Variants in PLPPR5 observed in about 807,000 individuals in gnomAD.
PLPPR5 encodes phospholipid phosphatase related 5, also known as phospholipid phosphatase-related protein type 5.
PLPPR5 carries 16 observed loss-of-function variants against 33.9 expected under a neutral mutation model. The ratio of observed to expected loss-of-function variants is 0.47; its 90% CI spans 0.32 to 0.72. PLPPR5 has a LOEUF of 0.72. PLPPR5 is among the 30% of genes least tolerant of loss of function. The pLI is 0.03. For missense variants in PLPPR5, 301 were observed against 406.7 expected, an observed-to-expected ratio of 0.74 and a Z score of 2.23; for synonymous variants, 163 against 150.3, an observed-to-expected ratio of 1.08 and a Z score of -0.62.
Position 98,928,596 on chromosome 1 carries a change from A to AT in PLPPR5, c.622-6539_622-6538insA, listed in dbSNP as rs1649852674. Among the ~76,000 whole-genome samples, 4 of 85,382 alleles carry AT rather than the reference A, an allele frequency of 4.7e-5. 1 individual carries two copies. Among genetic ancestry groups the AT allele is most frequent in the South Asian group, 4.6e-4 (1 of 2,192 alleles). The allele number at this position is 85,382 out of a possible 152,430, so 56.0% of individuals were successfully genotyped here. On this transcript the variant is annotated intron_variant, in intron 3 of 5. Coordinates refer to ENST00000263177, the MANE Select transcript of PLPPR5 (RefSeq NM_001037317.2). ...ATGGTTCACTTTCTATTTCTATTGA[A>AT]CAATGCTGACCTAGACAAGAGCATC...
chr1:99,003,588 T>C (rs7538595), intron 1 of PLPPR5, among the ~76,000 whole-genome samples: 3,207 of 152,220 alleles, frequency 0.021, 44 homozygotes, highest in African/African-American at 0.035. Context: ...TATAATAAAA[T>C]TAATATTATT....
chr1:98,994,685 T>C (rs1391854553), intron 1 of PLPPR5, among the ~76,000 whole-genome samples: 1 of 152,132 alleles, frequency 6.6e-6, no homozygotes, highest in Non-Finnish European at 1.5e-5. Flanking sequence ...AAGTCCTACA[T>C]AGTCACCAGC....
intron 1 of PLPPR5, among the ~76,000 whole-genome samples, chr1:98,966,691 A>C (rs1405873286): frequency 6.6e-6 from 1 of 152,184 alleles, no homozygotes; most frequent in Admixed American, 6.5e-5. Context: ...TGAGTTGCGG[A>C]TCTGAACCTT....
At chr1:98,894,534 A>T (rs1648400049) in intron 5 of PLPPR5, among the ~76,000 whole-genome samples, 1 of 152,098 alleles carries the variant, frequency 6.6e-6, no homozygotes, top group Non-Finnish European at 1.5e-5. Context: ...TCTTAATAGG[A>T]TCTAGAACAA....
Position 98,947,306 on chromosome 1 carries a change from G to A in PLPPR5, c.621+5764C>T, listed in dbSNP as rs12098186. ...CTGCTTAGTGGTTGTTGAAGACATG[G>A]GAATTTCTGTGATGTGACTGAAGAA... On this transcript the variant is annotated intron_variant, in intron 3 of 5. Transcript: ENST00000263177. Among the ~76,000 whole-genome samples, 4 of 152,124 alleles carry A rather than the reference G, an allele frequency of 2.6e-5. No homozygotes were observed. In the South Asian group the frequency reaches 8.3e-4, roughly 32 times the overall value.
chr1:98,939,942 G>A (rs1245999794), intron 3 of PLPPR5, among the ~76,000 whole-genome samples: 1 of 151,890 alleles, frequency 6.6e-6, no homozygotes, highest in Admixed American at 6.6e-5. Context: ...ACACAAAAAG[G>A]TGAATATAAT....
At chr1:98,959,913 A>G (rs527421743) in intron 1 of PLPPR5, among the ~76,000 whole-genome samples, 3 of 152,082 alleles carry the variant, frequency 2.0e-5, no homozygotes, top group Non-Finnish European at 4.4e-5. Context: ...TGTCCATCAC[A>G]TCTTGCTGGA....
At position 98,956,754 on chromosome 1, in the gene PLPPR5, TA is replaced by T. The variant is rs755525148; in HGVS notation, c.238-14del. Reference sequence around the variant, plus strand: ...CTCCAACTATTATCTTGAAAGAAAATAAAAGATTAAGGAATATTAGAATTTA... The same window carrying T: ...CTCCAACTATTATCTTGAAAGAAAATAAAGATTAAGGAATATTAGAATTTA... On this transcript the variant is annotated splice_polypyrimidine_tract_variant and intron_variant, in intron 1 of 5. Transcript: ENST00000263177. 192 of 1,533,034 alleles carry T rather than the reference TA, an allele frequency of 1.3e-4. 1 individual carries two copies. Among genetic ancestry groups the T allele is most frequent in the Non-Finnish European group, 1.0e-4 (115 of 1,142,588 alleles). 95.0% of individuals were successfully genotyped at this position (1,533,034 alleles called of 1,614,324 possible).
chr1:98,911,291 G>C (rs1444623325), intron 5 of PLPPR5, among the ~76,000 whole-genome samples: 1 of 152,172 alleles, frequency 6.6e-6, no homozygotes, highest in Non-Finnish European at 1.5e-5. Flanking sequence ...AACCAAATCA[G>C]ATTCAAACCA....
intron 5 of PLPPR5, among the ~76,000 whole-genome samples, chr1:98,905,258 C>T (rs1250349918): frequency 6.6e-6 from 1 of 152,136 alleles, no homozygotes; most frequent in Non-Finnish European, 1.5e-5. Flanking sequence ...TCATAACATT[C>T]ATACAAGGTC....
At chr1:98,905,747 C>T (rs1248758238) in intron 5 of PLPPR5, among the ~76,000 whole-genome samples, 1 of 152,008 alleles carries the variant, frequency 6.6e-6, no homozygotes, top group Non-Finnish European at 1.5e-5. Context: ...TCATTCATAT[C>T]CTAATTTGAT....
At chr1:98,974,613 T>TA (rs1159529182) in intron 1 of PLPPR5, among the ~76,000 whole-genome samples, 1 of 152,060 alleles carries the variant, frequency 6.6e-6, no homozygotes, top group African/African-American at 2.4e-5. Context: ...TATATTTCTT[T>TA]TCCCTTGCTC....
chr1:98,919,514 T>C (rs1222490318), intron 4 of PLPPR5, among the ~76,000 whole-genome samples: 1 of 152,170 alleles, frequency 6.6e-6, no homozygotes, highest in African/African-American at 2.4e-5. Context: ...TCAGAATAAA[T>C]GTGTTGAGTT....
intron 1 of PLPPR5, among the ~76,000 whole-genome samples, chr1:98,960,405 T>C (rs977492146): frequency 7.2e-5 from 11 of 152,094 alleles, no homozygotes; most frequent in Non-Finnish European, 1.3e-4. Context: ...GGTTTCACCA[T>C]GTTGGCCAGG....
chr1:98,956,502 A>G (rs1395512563), intron 2 of PLPPR5, 107 bp downstream of exon 2: 2 of 1,123,054 alleles, frequency 1.8e-6, no homozygotes, highest in Non-Finnish European at 2.4e-6. Flanking sequence ...TTTCAAAGAA[A>G]AAAACCCCTA....
chr1:98,898,979 G>C (rs1648584331), intron 5 of PLPPR5, among the ~76,000 whole-genome samples: 1 of 152,224 alleles, frequency 6.6e-6, no homozygotes, highest in East Asian at 1.9e-4. Flanking sequence ...GTCTTTCCAA[G>C]TCCTGAGAAG....
intron 1 of PLPPR5, among the ~76,000 whole-genome samples, chr1:98,972,244 G>C (rs1397518211): frequency 6.6e-6 from 1 of 152,016 alleles, no homozygotes; most frequent in Non-Finnish European, 1.5e-5. Context: ...TGAGAATTCT[G>C]CAATCCAATA....
Position 98,940,304 on chromosome 1 carries a change from A to C in PLPPR5, c.621+12766T>G, listed in dbSNP as rs1650325398. Among the ~76,000 whole-genome samples the C allele has an allele frequency of 3.9e-5, 6 of 151,942 alleles. No individual in the cohort carries two copies. The South Asian group carries it at 1.2e-3, about 32-fold the overall frequency. On this transcript the variant is annotated intron_variant, in intron 3 of 5. Coordinates refer to ENST00000263177, the MANE Select transcript of PLPPR5 (RefSeq NM_001037317.2). ...CCTCACATGGTGGAGAGAGCTAGGA[A>C]GCAAGCTCTCTGCTGTCTCTTCTTA...
At chr1:98,951,617 C>T (rs1650786893) in intron 3 of PLPPR5, among the ~76,000 whole-genome samples, 1 of 152,168 alleles carries the variant, frequency 6.6e-6, no homozygotes, top group South Asian at 2.1e-4. Flanking sequence ...AATGCATACT[C>T]TATGGTTCTA....
Sources: gnomAD v4.1 joint callset for allele counts (sites outside exome capture counted in the v4.1 genomes callset) on GRCh38, gnomAD v4.1.1 for gene constraint, MANE v1.5 for transcripts, NCBI Gene and HGNC (gene_info 2026-07-23, HGNC 2026-07-21) for gene names.